SMAP2: variants seen among roughly 807,000 people sequenced by gnomAD.
SMAP2 encodes stromal membrane-associated protein 2.
Under a neutral mutation model 56.4 loss-of-function variants are expected in SMAP2, and 25 were observed. The observed-to-expected ratio is 0.44, with a 90% confidence interval of 0.32 to 0.62. The LOEUF is 0.62. SMAP2 is among the 20% of genes least tolerant of loss of function. The pLI is 0.04. For missense variants in SMAP2, 388 were observed against 545.6 expected (o/e 0.71, Z 2.88); for synonymous variants, 157 against 181.7 (o/e 0.86, Z 1.09).
At chr1:40,361,385 T>A (rs1278716136) in intron 1 of SMAP2, among the ~76,000 whole-genome samples, 1 of 152,114 alleles carries the variant, frequency 6.6e-6, no homozygotes, top group African/African-American at 2.4e-5. Flanking sequence ...GACTCAGAGA[T>A]GTGCTGGCTT....
chr1:40,352,630 C>T (rs949835854), intron 1 of SMAP2, among the ~76,000 whole-genome samples: 1 of 150,496 alleles, frequency 6.6e-6, no homozygotes, highest in African/African-American at 2.4e-5. Flanking sequence ...CCTTGAACTC[C>T]CAGGCTCAAG....
At chr1:40,347,308 C>G (rs1363216349) in intron 1 of SMAP2, among the ~76,000 whole-genome samples, 1 of 148,196 alleles carries the variant, frequency 6.7e-6, no homozygotes, top group Non-Finnish European at 1.5e-5. Context: ...CCAGGCTGGT[C>G]TCGAACTCTT....
At chr1:40,404,697 A>G (rs1342804950) in intron 1 of SMAP2, among the ~76,000 whole-genome samples, 1 of 152,268 alleles carries the variant, frequency 6.6e-6, no homozygotes, top group East Asian at 1.9e-4. Flanking sequence ...TTTAAGAAAC[A>G]TGAAATATTA....
chr1:40,411,007 T>C (rs112650409), intron 4 of SMAP2, among the ~76,000 whole-genome samples: 9 of 152,350 alleles, frequency 5.9e-5, no homozygotes, highest in African/African-American at 2.2e-4. Flanking sequence ...AATCACTGTT[T>C]GCACTGAGCT....
In SMAP2 at chr1:40,396,881, T is replaced by C. The variant is rs147358543; in HGVS notation, c.104-9855T>C. 5 of 981,998 alleles carry C rather than the reference T, an allele frequency of 5.1e-6. No individual in the cohort carries two copies. In the African/African-American group the frequency reaches 5.2e-5, roughly 10 times the overall value. 60.8% of individuals were successfully genotyped at this position (981,998 alleles called of 1,614,324 possible). On this transcript the variant is annotated intron_variant, in intron 1 of 9. Coordinates refer to ENST00000372718, the MANE Select transcript of SMAP2 (RefSeq NM_022733.3). ...TCAGAGAATGGAGGGATATAATGAG[T>C]GGAACTGAGGTAACTGGCACTAGAT... is the stretch of plus-strand genomic sequence containing the variant.
At chr1:40,405,711 T>A (rs1004135897) in intron 1 of SMAP2, among the ~76,000 whole-genome samples, 3 of 152,168 alleles carry the variant, frequency 2.0e-5, no homozygotes, top group South Asian at 2.1e-4. Flanking sequence ...AGGAAGTATT[T>A]CTGATTTTTT....
rs779702499 is a variant in SMAP2 at position 40,416,350 on chromosome 1, C to A, written c.847+9C>A. The stretch of plus-strand genomic sequence containing the variant: ...TCAAATGCCTACTCAAGGTAGATTT[C>A]ATGGGTGTCATGGCCATGTGCCAGG... On this transcript the variant is annotated intron_variant, in intron 8 of 9. Transcript: ENST00000372718. 2 of 1,610,192 alleles carry A rather than the reference C, an allele frequency of 1.2e-6. No individual in the cohort carries two copies. The highest frequency in any genetic ancestry group is 1.7e-6 in the Non-Finnish European group (2 of 1,178,400).
At chr1:40,376,581 C>T (rs1169064844) in intron 1 of SMAP2, among the ~76,000 whole-genome samples, 1 of 152,172 alleles carries the variant, frequency 6.6e-6, no homozygotes, top group Non-Finnish European at 1.5e-5. Context: ...CTCTTTTTCC[C>T]CTGCTGTTTT....
chr1:40,415,228 C>T, intron 6 of SMAP2, 44 bp from the exon 7 acceptor site: 3 of 1,429,384 alleles, frequency 2.1e-6, no homozygotes, highest in Non-Finnish European at 3.0e-6. Flanking sequence ...AAGGCATGGG[C>T]TTAATAAGCA....
chr1:40,401,146 T>C (rs1987577), intron 1 of SMAP2, among the ~76,000 whole-genome samples: 82,347 of 151,938 alleles, frequency 0.54, 23,534 homozygotes, highest in African/African-American at 0.71. Flanking sequence ...GCCTGTAGTC[T>C]CAGCTACTCG....
At position 40,347,259 on chromosome 1, in the gene SMAP2, T is replaced by TG. The variant is rs1483595245; in HGVS notation, c.-83+2349_-83+2350insG. On this transcript the variant is annotated intron_variant, in intron 1 of 6. Transcript: ENST00000435168. ...GTGTGTGTTTTGTTTTTGTTTTTTTTTTTTTTTTTAAAGCAAAGATGGAGT... is the reference window on the plus strand; with the variant it reads ...GTGTGTGTTTTGTTTTTGTTTTTTTTGTTTTTTTTTAAAGCAAAGATGGAGT... Among the ~76,000 whole-genome samples the TG allele has an allele frequency of 2.0e-3, 276 of 136,256 alleles. 2 individuals are homozygous for TG. Among genetic ancestry groups the TG allele is most frequent in the African/African-American group, 5.5e-3 (201 of 36,432 alleles). The allele number at this position is 136,256 out of a possible 152,430, so 89.4% of individuals were successfully genotyped here.
At chr1:40,411,599 G>A (rs16827291) in intron 4 of SMAP2, among the ~76,000 whole-genome samples, 26,629 of 152,044 alleles carry the variant, frequency 0.18, 2,799 homozygotes, top group Middle Eastern at 0.31. Context: ...TTCAGAATTT[G>A]TTATTTAATG....
intron 1 of SMAP2, among the ~76,000 whole-genome samples, chr1:40,361,155 C>T (rs1644458284): frequency 6.6e-6 from 1 of 152,160 alleles, no homozygotes. Flanking sequence ...CCAGTTCAGC[C>T]ACAGTAGGAT....
intron 1 of SMAP2, among the ~76,000 whole-genome samples, chr1:40,388,595 G>A (rs2124263437): frequency 6.6e-6 from 1 of 152,168 alleles, no homozygotes; most frequent in South Asian, 2.1e-4. Flanking sequence ...TGGGGATGTG[G>A]AGAACCTTTG....
chr1:40,409,948 A>G, intron 4 of SMAP2, 113 bp downstream of exon 4: 1 of 735,330 alleles, frequency 1.4e-6, no homozygotes, highest in Non-Finnish European at 2.3e-6. Context: ...ATCTTTTAAA[A>G]AATGCAAAAG....
chr1:40,351,240 A>C (rs926853763), intron 1 of SMAP2, among the ~76,000 whole-genome samples: 1 of 152,136 alleles, frequency 6.6e-6, no homozygotes, highest in African/African-American at 2.4e-5. Flanking sequence ...AGGTTATTGG[A>C]GAGAGGAGGG....
intron 6 of SMAP2, among the ~76,000 whole-genome samples, chr1:40,415,008 C>A (rs1236125287): frequency 6.6e-6 from 1 of 152,174 alleles, no homozygotes; most frequent in Non-Finnish European, 1.5e-5. Flanking sequence ...AGCCAGCCAG[C>A]CCCCCACTGT....
chr1:40,409,296 G>C (rs936776845), intron 3 of SMAP2, among the ~76,000 whole-genome samples: 1 of 151,852 alleles, frequency 6.6e-6, no homozygotes, highest in African/African-American at 2.4e-5. Flanking sequence ...TTTTTTTAAT[G>C]GGTTCAGGTG....
chr1:40,396,928 C>A, intron 1 of SMAP2: 2 of 862,920 alleles, frequency 2.3e-6, no homozygotes, highest in Non-Finnish European at 2.8e-6. Context: ...ACAAATACTG[C>A]TGCTTTTTTT....
Sources: allele counts gnomAD v4.1 joint callset (sites outside exome capture counted in the v4.1 genomes callset), GRCh38; gene constraint gnomAD v4.1.1; transcripts MANE v1.5; gene names NCBI Gene and HGNC (gene_info 2026-07-23, HGNC 2026-07-21).